RB1: variants seen among roughly 807,000 people sequenced by gnomAD.
RB1 encodes the protein RB transcriptional corepressor 1, also known as retinoblastoma-associated protein.
RB1 carries 18 observed loss-of-function variants against 135.4 expected under a neutral mutation model. That is an observed-to-expected ratio of 0.13 (90% CI 0.09 to 0.20). The LOEUF (loss-of-function observed/expected upper bound fraction) is 0.20, where lower values mean the gene tolerates loss of function less well. Ranked by LOEUF, RB1 falls within the 10% of genes least tolerant of loss-of-function variation. The pLI, the probability that RB1 is intolerant of heterozygous loss-of-function variation, is 1.00. For synonymous variants in RB1, 365 were observed against 373.2 expected (o/e 0.98, Z 0.25); for missense variants, 868 against 1,110.0 (o/e 0.78, Z 3.10).
intron 19 of RB1, among the ~76,000 whole-genome samples, chr13:48,458,505 G>A (rs954298423): frequency 2.6e-5 from 4 of 152,152 alleles, no homozygotes; most frequent in Non-Finnish European, 5.9e-5. Flanking sequence ...GGTTTTCAAA[G>A]TGTCGTTCCC....
intron 17 of RB1, among the ~76,000 whole-genome samples, chr13:48,420,225 G>C (rs1052744431): frequency 5.9e-5 from 9 of 152,140 alleles, no homozygotes; most frequent in Non-Finnish European, 1.3e-4. Flanking sequence ...TGCAAGGCTG[G>C]TTCAACATAT....
At chr13:48,378,887 G>A (rs778934578) in intron 13 of RB1, among the ~76,000 whole-genome samples, 1 of 151,996 alleles carries the variant, frequency 6.6e-6, no homozygotes, top group Non-Finnish European at 1.5e-5. Context: ...GTTGTTATGC[G>A]GTGCATGATT....
chr13:48,420,888 A>G (rs1948995175), intron 17 of RB1, among the ~76,000 whole-genome samples: 1 of 152,212 alleles, frequency 6.6e-6, no homozygotes, highest in African/African-American at 2.4e-5. Context: ...AATAAAGAGG[A>G]CACAAACAAA....
At chr13:48,384,383 G>C (rs1193173347) in intron 17 of RB1, among the ~76,000 whole-genome samples, 1 of 152,112 alleles carries the variant, frequency 6.6e-6, no homozygotes, top group Admixed American at 6.6e-5. Flanking sequence ...TTTTTCCTGT[G>C]AGAATAATTG....
At chr13:48,333,853 GTAGTGAAT>G (rs1339118348) in intron 2 of RB1, among the ~76,000 whole-genome samples, 1 of 151,792 alleles carries the variant, frequency 6.6e-6, no homozygotes, top group Non-Finnish European at 1.5e-5. Context: ...TTGGGGTAAA[GTAGTGAAT>G]TAGATACAAT....
At chr13:48,393,142 A>ACTCCTT (rs1390362410) in intron 17 of RB1, among the ~76,000 whole-genome samples, 1 of 151,978 alleles carries the variant, frequency 6.6e-6, no homozygotes, top group Admixed American at 6.5e-5. Context: ...GAAGGATTCT[A>ACTCCTT]CTCCTTCCCA....
At chr13:48,404,451 A>G (rs1242401274) in intron 17 of RB1, among the ~76,000 whole-genome samples, 2 of 152,062 alleles carry the variant, frequency 1.3e-5, no homozygotes, top group African/African-American at 4.8e-5. Context: ...AGAAAAAAAA[A>G]ATTCCAAAAC....
intron 24 of RB1, among the ~76,000 whole-genome samples, chr13:48,475,238 C>T (rs1285972791): frequency 6.6e-6 from 1 of 152,072 alleles, no homozygotes; most frequent in African/African-American, 2.4e-5. Flanking sequence ...AATACATTAC[C>T]CCCAAACTTA....
chr13:48,362,376 C>T (rs1386181427), intron 7 of RB1, among the ~76,000 whole-genome samples: 2 of 151,522 alleles, frequency 1.3e-5, no homozygotes, highest in Non-Finnish European at 2.9e-5. Flanking sequence ...ATATTTTATA[C>T]CTATCTTTTA....
chr13:48,426,246 T>A (rs1246173930), intron 17 of RB1, among the ~76,000 whole-genome samples: 1 of 152,190 alleles, frequency 6.6e-6, no homozygotes, highest in Non-Finnish European at 1.5e-5. Flanking sequence ...ATAGATGACA[T>A]CACCTATAAT....
At chr13:48,407,749 A>G (rs1296190876) in intron 17 of RB1, among the ~76,000 whole-genome samples, 2 of 152,176 alleles carry the variant, frequency 1.3e-5, no homozygotes, top group Non-Finnish European at 2.9e-5. Context: ...TTTTCAGGAA[A>G]GCCCCAAAAA....
intron 9 of RB1, among the ~76,000 whole-genome samples, chr13:48,366,844 C>T (rs945511088): frequency 1.3e-5 from 2 of 152,030 alleles, no homozygotes; most frequent in Non-Finnish European, 2.9e-5. Context: ...GCAGGCTGGG[C>T]GCGGTGGCTC....
chr13:48,426,255 A>G (rs1362060631), intron 17 of RB1, among the ~76,000 whole-genome samples: 2 of 152,226 alleles, frequency 1.3e-5, no homozygotes, highest in South Asian at 2.1e-4. Flanking sequence ...ATCACCTATA[A>G]TATCTTAACT....
At chr13:48,316,525 C>T (rs575980210) in intron 2 of RB1, among the ~76,000 whole-genome samples, 2 of 152,284 alleles carry the variant, frequency 1.3e-5, no homozygotes, top group East Asian at 3.9e-4. Flanking sequence ...CAATTAGGAA[C>T]ACCCTACAAA....
At chr13:48,404,629 C>T (rs771851715) in intron 17 of RB1, among the ~76,000 whole-genome samples, 8 of 151,948 alleles carry the variant, frequency 5.3e-5, no homozygotes, top group Non-Finnish European at 8.8e-5. Context: ...TAGGTTCAAA[C>T]GATTCTCCTG....
intron 17 of RB1, among the ~76,000 whole-genome samples, chr13:48,405,214 A>C (rs889221584): frequency 2.0e-5 from 3 of 152,262 alleles, no homozygotes; most frequent in African/African-American, 4.8e-5. Flanking sequence ...AGTTTCATAA[A>C]GAATGCCTTC....
At chr13:48,396,693 C>G (rs1269731361) in intron 17 of RB1, among the ~76,000 whole-genome samples, 1 of 152,180 alleles carries the variant, frequency 6.6e-6, no homozygotes, top group Non-Finnish European at 1.5e-5. Context: ...AAGAAACTAT[C>G]TTCAGAGTGA....
rs1952050582 is a variant in RB1, at chr13:48,303,870, G to A, written c.-43G>A. On this transcript the variant is annotated 5_prime_UTR_variant, in exon 1 of 27. Coordinates refer to ENST00000267163, the MANE Select transcript of RB1 (RefSeq NM_000321.3). Reference sequence around the variant, plus strand: ...ACGTGCGCGCGCGTCGTCCTCCCCGGCGCTCCTCCACAGCTCGCTGGCTCC... The same window carrying A: ...ACGTGCGCGCGCGTCGTCCTCCCCGACGCTCCTCCACAGCTCGCTGGCTCC... 3.3e-6 allele frequency: 5 copies of A among 1,508,376 alleles called. No individual in the cohort carries two copies. Among genetic ancestry groups the A allele is most frequent in the Admixed American group, 4.1e-5 (2 of 48,490 alleles). 93.4% of individuals were successfully genotyped at this position (1,508,376 alleles called of 1,614,324 possible). A position where few individuals can be genotyped will look rare whatever the true frequency, so the allele number is the denominator to read the frequency against.
chr13:48,314,995 C>A (rs1310255810), intron 2 of RB1, among the ~76,000 whole-genome samples: 1 of 151,980 alleles, frequency 6.6e-6, no homozygotes, highest in Admixed American at 6.6e-5. Flanking sequence ...TGTAGGGTTG[C>A]CTTGACTATT....
Sources: allele counts gnomAD v4.1 joint callset (sites outside exome capture counted in the v4.1 genomes callset), GRCh38; gene constraint gnomAD v4.1.1; transcripts MANE v1.5; gene names NCBI Gene and HGNC (gene_info 2026-07-23, HGNC 2026-07-21).